The following NRCAM variants were observed in gnomAD, a reference collection of about 807,000 sequenced individuals.
The protein encoded by NRCAM is NgCAM-related cell adhesion molecule.
A neutral mutation model predicts 156.5 loss-of-function variants in NRCAM; 83 were observed. That is an observed-to-expected ratio of 0.53 (90% confidence interval 0.44 to 0.64). The LOEUF (loss-of-function observed/expected upper bound fraction) is 0.64. NRCAM is among the 30% of genes least tolerant of loss of function. The probability of loss-of-function intolerance (pLI) is 0.00; values close to 1 mark genes in which losing one functional copy is unlikely to be tolerated. For missense variants in NRCAM, 1,417 were observed against 1,597.3 expected (o/e 0.89, Z 1.92); for synonymous variants, 538 against 563.9 (o/e 0.95, Z 0.65).
Position 108,207,639 on chromosome 7 carries a change from C to A in NRCAM, c.1096G>T (p.Ala366Ser). Residue 366 changes from alanine (A) to serine (S), a missense_variant, in exon 13 of 33, where the codon GCC becomes TCC. Ala to Ser is a moderately conservative substitution (Grantham distance 99). This residue lies in a region of NRCAM where 1,238 missense variants were observed against 1,336.4 expected (regional missense o/e 0.93). Transcript: ENST00000379028. ...RVKAAPYWIT[A>S]PQNLVLSPGE... The stretch of plus-strand genomic sequence containing the variant: ...GGGGACAGCACAAGATTTTGAGGGG[C>A]TGTGATCCAGTATGGAGCCGCTTTA... 6.2e-7 allele frequency: 1 copy of A among 1,613,366 alleles called. No individual in the cohort carries two copies. Among genetic ancestry groups the A allele is most frequent in the Middle Eastern group, 1.7e-4 (1 of 6,058 alleles).
intron 2 of NRCAM, among the ~76,000 whole-genome samples, chr7:108,329,869 T>C (rs559827935): frequency 6.6e-6 from 1 of 152,202 alleles, no homozygotes; most frequent in African/African-American, 2.4e-5. Flanking sequence ...CCTTGACTTA[T>C]GCTAATAAAA....
chr7:108,265,514 T>A (rs2097069686), intron 3 of NRCAM, among the ~76,000 whole-genome samples: 2 of 152,210 alleles, frequency 1.3e-5, no homozygotes, highest in South Asian at 4.1e-4. Flanking sequence ...CTCTATTTTA[T>A]GCTTTCCAAA....
chr7:108,313,862 T>C (rs1020303417), intron 2 of NRCAM, among the ~76,000 whole-genome samples: 1 of 152,158 alleles, frequency 6.6e-6, no homozygotes, highest in African/African-American at 2.4e-5. Context: ...ATATCTACAA[T>C]AACAACTCAA....
At chr7:108,381,399 T>A (rs1270564115) in intron 2 of NRCAM, among the ~76,000 whole-genome samples, 2 of 152,172 alleles carry the variant, frequency 1.3e-5, no homozygotes, top group Non-Finnish European at 2.9e-5. Flanking sequence ...ATATCTTGCC[T>A]GGGAGATAAA....
chr7:108,165,271 G>A (rs73199507), intron 30 of NRCAM, among the ~76,000 whole-genome samples: 567 of 152,236 alleles, frequency 3.7e-3, no homozygotes, highest in Non-Finnish European at 6.2e-3. Flanking sequence ...TCTGGAGACG[G>A]AACGACAAGC....
At position 108,194,439 on chromosome 7, in the gene NRCAM, G is replaced by C; in HGVS notation, c.1464-11C>G. 1.3e-6 allele frequency: 2 copies of C among 1,555,188 alleles called. No individual in the cohort carries two copies. Among genetic ancestry groups the C allele is most frequent in the Non-Finnish European group, 1.7e-6 (2 of 1,144,334 alleles). On this transcript the variant is annotated splice_polypyrimidine_tract_variant and intron_variant, in intron 15 of 32. Transcript: ENST00000379028. ...TTAGCTCCTTTAAACCTTCATTACAGAAATTATCACAATGAGAATAAAAAC... is the reference window on the plus strand; with the variant it reads ...TTAGCTCCTTTAAACCTTCATTACACAAATTATCACAATGAGAATAAAAAC...
At chr7:108,185,904 T>C (rs1471069429) in intron 20 of NRCAM, among the ~76,000 whole-genome samples, 1 of 152,154 alleles carries the variant, frequency 6.6e-6, no homozygotes, top group Non-Finnish European at 1.5e-5. Context: ...TAAACAGACA[T>C]ATTCACTTGC....
At chr7:108,337,180 T>C (rs1490811432) in intron 2 of NRCAM, among the ~76,000 whole-genome samples, 4 of 151,768 alleles carry the variant, frequency 2.6e-5, no homozygotes, top group African/African-American at 9.7e-5. Flanking sequence ...GGAGAATCGC[T>C]TGAACCTGGG....
intron 3 of NRCAM, among the ~76,000 whole-genome samples, chr7:108,270,053 T>A (rs919207877): frequency 6.6e-6 from 1 of 152,232 alleles, no homozygotes. Context: ...TTCCATTATC[T>A]TCACAACCTA....
chr7:108,162,437 T>C (rs1455521141), intron 30 of NRCAM, among the ~76,000 whole-genome samples: 1 of 152,250 alleles, frequency 6.6e-6, no homozygotes, highest in Non-Finnish European at 1.5e-5. Context: ...AGCATTTGAC[T>C]ATAGTTCTTG....
At chr7:108,175,078 A>G (rs1004931292) in intron 28 of NRCAM, among the ~76,000 whole-genome samples, 4 of 152,234 alleles carry the variant, frequency 2.6e-5, no homozygotes, top group African/African-American at 9.6e-5. Flanking sequence ...ATAGTATTAG[A>G]AGCTAAGATT....
intron 23 of NRCAM, among the ~76,000 whole-genome samples, chr7:108,182,314 C>G (rs537127479): frequency 2.6e-5 from 4 of 151,576 alleles, no homozygotes; most frequent in Admixed American, 1.3e-4. Context: ...CCCTCTACAT[C>G]TGCAGGTTCT....
At chr7:108,389,585 A>G (rs548150176) in intron 2 of NRCAM, among the ~76,000 whole-genome samples, 19 of 152,262 alleles carry the variant, frequency 1.2e-4, no homozygotes, top group African/African-American at 4.6e-4. Context: ...AGAACTTCCA[A>G]CACTATGTTG....
intron 13 of NRCAM, among the ~76,000 whole-genome samples, chr7:108,205,520 G>C (rs1250302412): frequency 1.3e-5 from 2 of 152,154 alleles, no homozygotes; most frequent in Non-Finnish European, 2.9e-5. Flanking sequence ...TGGCTGCCAA[G>C]CTTGAGGGTT....
At chr7:108,314,126 G>C (rs1165385129) in intron 2 of NRCAM, among the ~76,000 whole-genome samples, 2 of 152,078 alleles carry the variant, frequency 1.3e-5, no homozygotes, top group Admixed American at 6.5e-5. Context: ...TTTCATCCTT[G>C]CTTATATATA....
chr7:108,237,686 TA>T (rs1159624394), intron 5 of NRCAM, 65 bp downstream of exon 5: 20 of 1,226,204 alleles, frequency 1.6e-5, no homozygotes, highest in Non-Finnish European at 2.1e-5. Flanking sequence ...ATCACAATAT[TA>T]ATTCAAAAAG....
At chr7:108,272,332 T>C (rs2097384411) in intron 3 of NRCAM, among the ~76,000 whole-genome samples, 1 of 152,204 alleles carries the variant, frequency 6.6e-6, no homozygotes, top group Non-Finnish European at 1.5e-5. Context: ...TTAATTTAAG[T>C]AAAAACACCA....
At chr7:108,308,748 A>T (rs372431336) in intron 3 of NRCAM, among the ~76,000 whole-genome samples, 11 of 152,290 alleles carry the variant, frequency 7.2e-5, no homozygotes, top group African/African-American at 2.6e-4. Flanking sequence ...AACAGCTATC[A>T]AACTGAGCAG....
intron 1 of NRCAM, among the ~76,000 whole-genome samples, chr7:108,432,929 G>GAAA (rs1827451680): frequency 4.2e-5 from 4 of 94,198 alleles, no homozygotes; most frequent in African/African-American, 1.3e-4. Flanking sequence ...AAGAGAAAGA[G>GAAA]GAGAAAGAGA....
Sources: allele counts gnomAD v4.1 joint callset (sites outside exome capture counted in the v4.1 genomes callset), GRCh38; gene constraint gnomAD v4.1.1; regional missense constraint gnomAD v4.1.1; transcripts MANE v1.5; gene names NCBI Gene and HGNC (gene_info 2026-07-23, HGNC 2026-07-21).